The following ZNF541 variants were observed in gnomAD, a reference collection of about 807,000 sequenced individuals.
ZNF541 encodes the protein zinc finger protein 541.
ZNF541 carries 23 observed loss-of-function variants against 123.5 expected under a neutral mutation model. That is an observed-to-expected ratio of 0.19 (90% CI 0.13 to 0.26). The LOEUF is 0.26. ZNF541 is among the 10% of genes least tolerant of loss of function. The pLI, the probability that ZNF541 is intolerant of heterozygous loss-of-function variation, is 1.00. For missense variants in ZNF541, 1,612 were observed against 1,789.9 expected, an observed-to-expected ratio of 0.90 and a Z score of 1.79; for synonymous variants, 751 against 754.5, an observed-to-expected ratio of 1.00 and a Z score of 0.08.
At chr19:47,542,384 C>T (rs1970119713) in intron 5 of ZNF541, among the ~76,000 whole-genome samples, 4 of 152,128 alleles carry the variant, frequency 2.6e-5, no homozygotes, top group Admixed American at 2.6e-4. Context: ...GGCCAGGCAC[C>T]ATGACTCATG....
chr19:47,561,945 T>C (rs866806274), intron 2 of ZNF541, among the ~76,000 whole-genome samples: 39 of 152,152 alleles, frequency 2.6e-4, no homozygotes, highest in African/African-American at 9.4e-4. Flanking sequence ...CAGACTGCAA[T>C]ATGCAAAATA....
Position 47,532,918 on chromosome 19 carries a change from C to A in ZNF541, c.3149G>T (p.Ser1050Ile). The change falls in exon 10 of 17, where the codon AGC becomes ATC. Residue 1050 changes from serine to isoleucine, a missense_variant. This residue lies in a region of ZNF541 where 285 missense variants were observed against 407.3 expected (regional missense o/e 0.70). Transcript: ENST00000391901. ...AAAGGACCCAACTTACGGCTCAATGCTGATTTTGGTGTCATCCTTCACCAC... is the reference window on the plus strand; with the variant it reads ...AAAGGACCCAACTTACGGCTCAATGATGATTTTGGTGTCATCCTTCACCAC... The part of the protein sequence containing the change: ...ICVVKDDTKI[S>I]IEPHINIGSR... 1 of 1,550,438 alleles carries A rather than the reference C, an allele frequency of 6.4e-7. No homozygotes were observed. Among genetic ancestry groups the A allele is most frequent in the Non-Finnish European group, 8.7e-7 (1 of 1,146,368 alleles).
Position 47,545,031 on chromosome 19 carries a change from C to A in ZNF541, c.1498G>T (p.Ala500Ser). The change falls in exon 5 of 17, where the codon GCC becomes TCC. Residue 500 changes from alanine (A) to serine (S), a missense_variant. Ala to Ser is a moderately conservative substitution (Grantham distance 99). This residue lies in a region of ZNF541 where 1,080 missense variants were observed against 1,013.8 expected (regional missense o/e 1.07). Coordinates refer to ENST00000391901, the MANE Select transcript of ZNF541 (RefSeq NM_001277075.3). This position sits in a 1 kb window ranked among gnomAD's most constrained non-coding sequence, Gnocchi z 7.5. ...CAGTCGACCTTGACCTTCTTGGGGG[C>A]GCAGGGGTCATCTTCCCCGCTGGCC... ...RSASGEDDPCAPKKVKVDCDS... is the reference protein window; with the variant it reads ...RSASGEDDPCSPKKVKVDCDS... 6.7e-7 allele frequency: 1 copy of A among 1,492,006 alleles called. No individual in the cohort carries two copies. The highest frequency in any genetic ancestry group is 8.9e-7 in the Non-Finnish European group (1 of 1,125,526). The allele number at this position is 1,492,006 out of a possible 1,614,324, so 92.4% of individuals were successfully genotyped here. A position where few individuals can be genotyped will look rare whatever the true frequency, so the allele number is the denominator to read the frequency against.
Position 47,521,177 on chromosome 19 carries a change from AG to A in ZNF541, c.*46del. The A allele has an allele frequency of 1.3e-6, 2 of 1,536,298 alleles. No individual in the cohort carries two copies. The highest frequency in any genetic ancestry group is 1.8e-6 in the Non-Finnish European group (2 of 1,137,182). ...CAAACGCCCTGGAGAGGCCGAAGGG[AG>A]GAGGGGCAGCACTGGAGGCCCCATT... On this transcript the variant is annotated 3_prime_UTR_variant, in exon 17 of 17. Coordinates refer to ENST00000391901, the MANE Select transcript of ZNF541 (RefSeq NM_001277075.3). This position sits in a 1 kb window ranked among gnomAD's most constrained non-coding sequence, Gnocchi z 4.2.
At position 47,545,341 on chromosome 19, in the gene ZNF541, G is replaced by A. The variant is rs946340359; in HGVS notation, c.1188C>T (p.Leu396=). The A allele has an allele frequency of 8.2e-5, 127 of 1,547,010 alleles. No individual in the cohort carries two copies. Among genetic ancestry groups the A allele is most frequent in the Non-Finnish European group, 1.1e-4 (124 of 1,145,370 alleles). ...EGGSVPACLP[L]FRGQTVPASS... ...TGGCAGGGACCGTCTGGCCTCGGAA[G>A]AGAGGCAGGCAGGCAGGCACGGAGC... is the stretch of plus-strand genomic sequence containing the variant. The change falls in exon 5 of 17, where the codon CTC becomes CTT. Residue 396 remains leucine (L), a synonymous_variant. Coordinates refer to ENST00000391901, the MANE Select transcript of ZNF541 (RefSeq NM_001277075.3). This position sits in a 1 kb window ranked among gnomAD's most constrained non-coding sequence, Gnocchi z 7.5.
At chr19:47,534,503 T>C (rs1389603125) in intron 9 of ZNF541, among the ~76,000 whole-genome samples, 1 of 151,872 alleles carries the variant, frequency 6.6e-6, no homozygotes, top group Non-Finnish European at 1.5e-5. Context: ...ATACAAAAAT[T>C]AGCCTGGTGT....
At chr19:47,555,472 ATGCAGAATCAG>A in intron 3 of ZNF541, 67 bp downstream of exon 3, 5 of 1,409,816 alleles carry the variant, frequency 3.5e-6, no homozygotes, top group Non-Finnish European at 4.7e-6. Context: ...TAACCAATCC[ATGCAGAATCAG>A]TCCCTAGCTG....
intron 14 of ZNF541, among the ~76,000 whole-genome samples, chr19:47,525,221 G>A (rs957424177): frequency 1.1e-4 from 16 of 151,720 alleles, no homozygotes; most frequent in Non-Finnish European, 2.2e-4. Context: ...GGAGGTGGAC[G>A]TTGCAGTGAG....
At chr19:47,555,038 GA>G (rs1970757736) in intron 3 of ZNF541, among the ~76,000 whole-genome samples, 1 of 149,596 alleles carries the variant, frequency 6.7e-6, no homozygotes, top group East Asian at 2.0e-4. Flanking sequence ...AGGTTGCAGT[GA>G]GCCAAGAATG....
chr19:47,545,816 T>G lies in ZNF541; in HGVS notation c.713A>C (p.Asp238Ala). 5.8e-6 allele frequency: 9 copies of G among 1,542,080 alleles called. No homozygotes were observed. The highest frequency in any genetic ancestry group is 1.4e-5 in the African/African-American group (1 of 71,510). ...EAPPEEEACG[D>A]SPHAHESAGQ... Reference sequence around the variant, plus strand: ...GGCCGACTCGTGGGCGTGGGGGGAGTCCCCGCAGGCCTCTTCCTCCGGGGG... The same window carrying G: ...GGCCGACTCGTGGGCGTGGGGGGAGGCCCCGCAGGCCTCTTCCTCCGGGGG... The change falls in exon 5 of 17, where the codon GAC becomes GCC. Residue 238 changes from aspartate (D) to alanine (A), a missense_variant. Asp to Ala is a moderately radical substitution (Grantham distance 126, BLOSUM62 -2). Transcript: ENST00000391901. The surrounding 1 kb of genome is among the most constrained non-coding windows in gnomAD (Gnocchi z 7.5).
intron 9 of ZNF541, 102 bp downstream of exon 9, chr19:47,538,040 G>A: frequency 1.5e-6 from 2 of 1,355,990 alleles, no homozygotes; most frequent in Non-Finnish European, 2.0e-6. Flanking sequence ...GGTACACCCA[G>A]GCAGGAGACA....
chr19:47,571,365 G>A (rs1202548525), intron 2 of ZNF541, among the ~76,000 whole-genome samples: 1 of 152,170 alleles, frequency 6.6e-6, no homozygotes, highest in African/African-American at 2.4e-5. Context: ...CTCCCAAAGT[G>A]CTGGGATTAC....
At chr19:47,543,592 C>G (rs1009097665) in intron 5 of ZNF541, among the ~76,000 whole-genome samples, 8 of 150,864 alleles carry the variant, frequency 5.3e-5, no homozygotes, top group Non-Finnish European at 1.0e-4. Context: ...GCAAAAAAGG[C>G]TTTGTGAGAT....
At chr19:47,556,600 G>A (rs1234407625) in intron 2 of ZNF541, among the ~76,000 whole-genome samples, 7 of 151,952 alleles carry the variant, frequency 4.6e-5, no homozygotes, top group Non-Finnish European at 5.9e-5. Context: ...GTGAACCAGC[G>A]CACATGGCCC....
chr19:47,560,384 T>C, intron 2 of ZNF541, among the ~76,000 whole-genome samples: 1 of 152,036 alleles, frequency 6.6e-6, no homozygotes, highest in South Asian at 2.1e-4. Flanking sequence ...GAGACCAGCC[T>C]GGCCAACACG....
intron 9 of ZNF541, among the ~76,000 whole-genome samples, chr19:47,536,725 T>C (rs1969839957): frequency 6.6e-6 from 1 of 152,074 alleles, no homozygotes; most frequent in Non-Finnish European, 1.5e-5. Context: ...ACAACTGCAC[T>C]CCAGCCTGGG....
At chr19:47,551,252 C>T in intron 3 of ZNF541, among the ~76,000 whole-genome samples, 1 of 151,938 alleles carries the variant, frequency 6.6e-6, no homozygotes, top group Non-Finnish European at 1.5e-5. Context: ...GTTGGCCAGG[C>T]TGGTCTCGAA....
rs1267293417 is a variant in ZNF541, at chr19:47,545,613, C to A, written c.916G>T (p.Ala306Ser). Residue 306 changes from alanine (A) to serine (S), a missense_variant, in exon 5 of 17, where the codon GCC becomes TCC. Physicochemically the swap from Ala to Ser is moderately conservative, Grantham distance 99 (BLOSUM62 1). This residue lies in a region of ZNF541 where 1,080 missense variants were observed against 1,013.8 expected (regional missense o/e 1.07). Coordinates refer to ENST00000391901, the MANE Select transcript of ZNF541 (RefSeq NM_001277075.3). The surrounding 1 kb of genome is among the most constrained non-coding windows in gnomAD (Gnocchi z 7.5). ...GASDSEGRNT[A>S]CPCPASSGSS... The stretch of plus-strand genomic sequence containing the variant: ...CCCGATGAGGCGGGGCAGGGACAGG[C>A]AGTGTTCCTCCCTTCGCTGTCTGAA... The A allele has an allele frequency of 1.3e-6, 2 of 1,549,560 alleles. No individual in the cohort carries two copies. The highest frequency in any genetic ancestry group is 1.7e-6 in the Non-Finnish European group (2 of 1,146,204).
Position 47,537,008 on chromosome 19 carries a change from AC to A in ZNF541, c.3094+1133del, listed in dbSNP as rs1969852651. Reference sequence around the variant, plus strand: ...GGCTGCATATTGTATGATTCTACTTACATGAAATGTCCTGAATAGGCAAATC... The same window carrying A: ...GGCTGCATATTGTATGATTCTACTTAATGAAATGTCCTGAATAGGCAAATC... On this transcript the variant is annotated intron_variant, in intron 9 of 16. Transcript: ENST00000391901. Among the ~76,000 whole-genome samples, 3 of 152,204 alleles carry A rather than the reference AC, an allele frequency of 2.0e-5. No individual in the cohort carries two copies. The South Asian group carries it at 6.2e-4, about 32-fold the overall frequency.
Sources: allele counts gnomAD v4.1 joint callset (sites outside exome capture counted in the v4.1 genomes callset), GRCh38; gene constraint gnomAD v4.1.1; regional missense constraint gnomAD v4.1.1; non-coding constraint Gnocchi (gnomAD v3.1); transcripts MANE v1.5; gene names NCBI Gene and HGNC (gene_info 2026-07-23, HGNC 2026-07-21).